The following ZNF225 variants were observed in gnomAD, a reference collection of about 807,000 sequenced individuals.
ZNF225 encodes zinc finger protein 225.
ZNF225 carries 6 observed loss-of-function variants against 12.0 expected under a neutral mutation model. That is an observed-to-expected ratio of 0.50 (90% confidence interval 0.27 to 0.98). The LOEUF (loss-of-function observed/expected upper bound fraction) is 0.98, where lower values mean the gene tolerates loss of function less well. Among genes scored for constraint, ZNF225 ranks in the 50% least tolerant of loss-of-function variants. The pLI, the probability that ZNF225 is intolerant of heterozygous loss-of-function variation, is 0.11. For missense variants in ZNF225, 763 were observed against 848.2 expected (o/e 0.90, Z 1.25); for synonymous variants, 271 against 283.2 (o/e 0.96, Z 0.43).
chr19:44,120,888 A>C (rs970380066), intron 4 of ZNF225, among the ~76,000 whole-genome samples: 1 of 117,960 alleles, frequency 8.5e-6, no homozygotes, highest in African/African-American at 3.1e-5. Context: ...GCAAGTCCCC[A>C]AAGTCCATTT....
intron 4 of ZNF225, among the ~76,000 whole-genome samples, chr19:44,119,972 A>C (rs1968020817): frequency 6.6e-6 from 1 of 152,172 alleles, no homozygotes; most frequent in South Asian, 2.1e-4. Flanking sequence ...TAATCCCACT[A>C]CTTTCGGAGA....
At position 44,118,568 on chromosome 19, in the gene ZNF225, A is replaced by G. The variant is rs1967991027; in HGVS notation, c.229A>G (p.Asn77Asp). The G allele has an allele frequency of 1.2e-6, 2 of 1,612,028 alleles. No homozygotes were observed. Among genetic ancestry groups the G allele is most frequent in the Non-Finnish European group, 1.7e-6 (2 of 1,178,758 alleles). ...GGAGACAGCAACCCAAAGAGAAGGG[A>G]ATTTAGGTAAGAAGCAAGCAACTCT... ...MMETATQREGNLGGKIQMEME... is the reference protein window; with the variant it reads ...MMETATQREGDLGGKIQMEME... The change falls in exon 4 of 5, where the codon AAT becomes GAT. Residue 77 changes from asparagine (N) to aspartate (D), a missense_variant. Asn to Asp is a conservative substitution (Grantham distance 23). Coordinates refer to ENST00000262894, the MANE Select transcript of ZNF225 (RefSeq NM_013362.4).
intron 2 of ZNF225, among the ~76,000 whole-genome samples, chr19:44,117,125 A>T (rs887045446): frequency 7.2e-5 from 11 of 152,256 alleles, no homozygotes; most frequent in Non-Finnish European, 1.6e-4. Flanking sequence ...AAAAAATTTT[A>T]AAAAGCTAGT....
At chr19:44,128,618 CA>C (rs1968192336) in intron 4 of ZNF225, 1 of 158,034 alleles carries the variant, frequency 6.3e-6, no homozygotes, top group Non-Finnish European at 1.4e-5. Context: ...CCAAGATTTT[CA>C]ATGTTTTATG....
At position 44,133,861 on chromosome 19, in the gene ZNF225, A is replaced by G. The variant is rs372587500; in HGVS notation, c.*1126A>G. 2 of 150,354 alleles carry G rather than the reference A, an allele frequency of 1.3e-5. No homozygotes were observed. Among genetic ancestry groups the G allele is most frequent in the East Asian group, 2.0e-4 (1 of 5,094 alleles). The allele number at this position is 150,354 out of a possible 1,614,324, so 9.3% of individuals were successfully genotyped here. On this transcript the variant is annotated 3_prime_UTR_variant, in exon 5 of 5. Coordinates refer to ENST00000262894, the MANE Select transcript of ZNF225 (RefSeq NM_013362.4). Reference sequence around the variant, plus strand: ...TCTACCAGAGATAGATTTGATTTTTATAATCAAATCTACTAGAGATAGATT... The same window carrying G: ...TCTACCAGAGATAGATTTGATTTTTGTAATCAAATCTACTAGAGATAGATT...
intron 4 of ZNF225, among the ~76,000 whole-genome samples, chr19:44,119,938 GC>G (rs1221711590): frequency 6.6e-6 from 1 of 152,126 alleles, no homozygotes; most frequent in African/African-American, 2.4e-5. Context: ...ACTATTCTAG[GC>G]CAGGCGCGGT....
At position 44,125,429 on chromosome 19, in the gene ZNF225, A is replaced by G. The variant is rs189112161; in HGVS notation, c.236-5421A>G. ...CTGTTAATCTGATAGGTTTTCCTTT[A>G]TAGGTTACCTGGTGCTTCTGTCTCA... On this transcript the variant is annotated intron_variant, in intron 4 of 4. Transcript: ENST00000262894. 4.6e-5 allele frequency among the ~76,000 whole-genome samples: 7 copies of G among 152,314 alleles called. No individual in the cohort carries two copies. In the East Asian group the frequency reaches 5.8e-4, roughly 13 times the overall value.
intron 4 of ZNF225, among the ~76,000 whole-genome samples, chr19:44,124,445 C>G (rs1968109520): frequency 6.6e-6 from 1 of 152,116 alleles, no homozygotes; most frequent in South Asian, 2.1e-4. Flanking sequence ...TATGGTCTCT[C>G]TTGGAGAAAG....
rs1235838196 is a variant in ZNF225, at chr19:44,132,536, C to G, written c.1922C>G (p.Thr641Ser). Residue 641 changes from threonine (T) to serine (S), a missense_variant, in exon 5 of 5, where the codon ACC (threonine) becomes AGC (serine). Coordinates refer to ENST00000262894, the MANE Select transcript of ZNF225 (RefSeq NM_013362.4). ...TTCAGATGGGCCTCAACTCATCTAACCCATCAGAGACTCCACAGTAGAGAA... is the reference window on the plus strand; with the variant it reads ...TTCAGATGGGCCTCAACTCATCTAAGCCATCAGAGACTCCACAGTAGAGAA... ...KSFRWASTHL[T>S]HQRLHSREKL... The G allele has an allele frequency of 1.2e-6, 2 of 1,613,914 alleles. No homozygotes were observed. The highest frequency in any genetic ancestry group is 2.7e-5 in the African/African-American group (2 of 75,004).
At chr19:44,123,378 G>T (rs1484900069) in intron 4 of ZNF225, among the ~76,000 whole-genome samples, 1 of 152,098 alleles carries the variant, frequency 6.6e-6, no homozygotes, top group African/African-American at 2.4e-5. Context: ...TTGATATGTT[G>T]TTGGATTAAG....
Position 44,132,901 on chromosome 19 carries a change from GTTAA to G in ZNF225, c.*170_*173del, listed in dbSNP as rs1249815802. 1.6e-5 allele frequency: 10 copies of G among 606,972 alleles called. No individual in the cohort carries two copies. The African/African-American group carries it at 1.9e-4, about 11-fold the overall frequency. The allele number at this position is 606,972 out of a possible 1,614,324, so 37.6% of individuals were successfully genotyped here. On this transcript the variant is annotated 3_prime_UTR_variant, in exon 5 of 5. Coordinates refer to ENST00000262894, the MANE Select transcript of ZNF225 (RefSeq NM_013362.4). The stretch of plus-strand genomic sequence containing the variant: ...CCTAGCTATTTGAAAATAATACGTT[GTTAA>G]TTACTGTCACCCTGTAGTGGTGTAA...
At chr19:44,124,427 G>C (rs1031094258) in intron 4 of ZNF225, among the ~76,000 whole-genome samples, 7 of 152,102 alleles carry the variant, frequency 4.6e-5, no homozygotes, top group Admixed American at 4.6e-4. Context: ...TCGTTTTATG[G>C]CCTATCATAT....
rs147322593 is a variant in ZNF225, at chr19:44,115,074, C to T, written c.-68-686C>T. On this transcript the variant is annotated intron_variant, in intron 1 of 4. Coordinates refer to ENST00000262894, the MANE Select transcript of ZNF225 (RefSeq NM_013362.4). ...ATTCTACTGTAAAGGTGAACTCTCC[C>T]TTCTCCTTCATTTGCTTATTCATTC... is the stretch of plus-strand genomic sequence containing the variant. 9.2e-5 allele frequency among the ~76,000 whole-genome samples: 14 copies of T among 152,210 alleles called. No homozygotes were observed. The East Asian group carries it at 2.7e-3, about 29-fold the overall frequency.
In ZNF225 at chr19:44,131,104, G is replaced by C. The variant is rs368070013; in HGVS notation, c.490G>C (p.Asp164His). 1.1e-4 allele frequency: 174 copies of C among 1,614,054 alleles called. No homozygotes were observed. The highest frequency in any genetic ancestry group is 2.0e-4 in the Admixed American group (12 of 60,010). ...KKSFSDVSVL[D>H]LHQQLQSREK... ...GTCCTTTAGTGATGTCTCCGTCCTT[G>C]ATCTTCATCAACAACTACAGTCAAG... is the stretch of plus-strand genomic sequence containing the variant. Residue 164 changes from aspartate (D) to histidine (H), a missense_variant, in exon 5 of 5, where the codon GAT (aspartate) becomes CAT (histidine). Transcript: ENST00000262894.
chr19:44,129,079 C>G (rs1483676640), intron 4 of ZNF225: 1 of 1,231,530 alleles, frequency 8.1e-7, no homozygotes, highest in Non-Finnish European at 1.0e-6. Context: ...CTGAAGGTTT[C>G]TGATCCTTTT....
At chr19:44,118,429 G>T in intron 3 of ZNF225, 53 bp from the exon 4 acceptor site, 2 of 1,611,666 alleles carry the variant, frequency 1.2e-6, no homozygotes, top group Admixed American at 1.7e-5. Context: ...ATTTTACTTA[G>T]ATTTTTTTCT....
In ZNF225 at chr19:44,133,859, T is replaced by C. The variant is rs1334328498; in HGVS notation, c.*1124T>C. ...AATCTACCAGAGATAGATTTGATTTTTATAATCAAATCTACTAGAGATAGA... is the reference window on the plus strand; with the variant it reads ...AATCTACCAGAGATAGATTTGATTTCTATAATCAAATCTACTAGAGATAGA... On this transcript the variant is annotated 3_prime_UTR_variant, in exon 5 of 5. Transcript: ENST00000262894. 2 of 150,318 alleles carry C rather than the reference T, an allele frequency of 1.3e-5. No individual in the cohort carries two copies. Among genetic ancestry groups the C allele is most frequent in the Non-Finnish European group, 3.0e-5 (2 of 67,662 alleles). 9.3% of individuals were successfully genotyped at this position (150,318 alleles called of 1,614,324 possible). A position where few individuals can be genotyped will look rare whatever the true frequency, so the allele number is the denominator to read the frequency against.
chr19:44,127,032 C>T (rs1338021674), intron 4 of ZNF225, among the ~76,000 whole-genome samples: 1 of 152,182 alleles, frequency 6.6e-6, no homozygotes, highest in Non-Finnish European at 1.5e-5. Flanking sequence ...GGATTCACAC[C>T]CTCCCCCAAG....
At position 44,132,032 on chromosome 19, in the gene ZNF225, A is replaced by G. The variant is rs1422958753; in HGVS notation, c.1418A>G (p.Asn473Ser). Residue 473 changes from asparagine to serine, a missense_variant, in exon 5 of 5, where the codon AAT (asparagine) becomes AGT (serine). Asn to Ser is a conservative substitution (Grantham distance 46, BLOSUM62 1). Coordinates refer to ENST00000262894, the MANE Select transcript of ZNF225 (RefSeq NM_013362.4). ...TTTGGCTGGGCCTCGTGTCTTTTGA[A>G]TCATCAGAGAATCCACAGTGGAGAA... ...KSFGWASCLLNHQRIHSGEKP... is the reference protein window; with the variant it reads ...KSFGWASCLLSHQRIHSGEKP... 1.2e-6 allele frequency: 2 copies of G among 1,613,652 alleles called. No individual in the cohort carries two copies.
Sources: gnomAD v4.1 joint callset for allele counts (sites outside exome capture counted in the v4.1 genomes callset) on GRCh38, gnomAD v4.1.1 for gene constraint, MANE v1.5 for transcripts, NCBI Gene and HGNC (gene_info 2026-07-23, HGNC 2026-07-21) for gene names.